Variants in CSMD1 observed in about 807,000 individuals in gnomAD.
CSMD1 encodes CUB and sushi domain-containing protein 1.
CSMD1 carries 213 observed loss-of-function variants against 417.5 expected under a neutral mutation model. The observed-to-expected ratio is 0.51, with a 90% CI of 0.46 to 0.57. The LOEUF (loss-of-function observed/expected upper bound fraction) is 0.57, where lower values mean the gene tolerates loss of function less well. CSMD1 is among the 20% of genes least tolerant of loss of function. The pLI is 0.00. For synonymous variants in CSMD1, 2,862 were observed against 1,736.8 expected (o/e 1.65, Z -16.11); for missense variants, 6,923 against 4,529.7 (o/e 1.53, Z -15.17).
intron 5 of CSMD1, among the ~76,000 whole-genome samples, chr8:3,991,944 C>T (rs1304344010): frequency 6.6e-6 from 1 of 152,006 alleles, no homozygotes; most frequent in Middle Eastern, 3.4e-3. Flanking sequence ...TGTTATATAA[C>T]AAACACTCGG....
intron 1 of CSMD1, among the ~76,000 whole-genome samples, chr8:4,893,904 G>A (rs548476070): frequency 1.2e-4 from 18 of 152,158 alleles, no homozygotes; most frequent in African/African-American, 2.9e-4. Flanking sequence ...CCAAGGGGGC[G>A]GGGCAATGTC....
At chr8:4,899,872 C>A (rs771284362) in intron 1 of CSMD1, among the ~76,000 whole-genome samples, 3 of 152,134 alleles carry the variant, frequency 2.0e-5, no homozygotes, top group Non-Finnish European at 4.4e-5. Flanking sequence ...GTCAGACATA[C>A]CTGGGGACAA....
intron 54 of CSMD1, among the ~76,000 whole-genome samples, chr8:2,993,825 A>T (rs536866625): frequency 6.6e-6 from 1 of 152,024 alleles, no homozygotes; most frequent in Non-Finnish European, 1.5e-5. Flanking sequence ...CCCTGCATTG[A>T]AGAAAGCAGA....
At chr8:4,065,453 G>C (rs75245554) in intron 3 of CSMD1, among the ~76,000 whole-genome samples, 1 of 152,128 alleles carries the variant, frequency 6.6e-6, no homozygotes, top group Non-Finnish European at 1.5e-5. Context: ...TAGGAAATTT[G>C]GCTTTTCTTT....
chr8:4,369,875 C>A (rs928239928), intron 3 of CSMD1, among the ~76,000 whole-genome samples: 1 of 152,110 alleles, frequency 6.6e-6, no homozygotes, highest in African/African-American at 2.4e-5. Flanking sequence ...TTGGGTCTTG[C>A]TTCTTTACCC....
chr8:3,642,396 C>A lies in CSMD1; in HGVS notation c.1010-25599G>T, dbSNP rs192070480. Among the ~76,000 whole-genome samples, 10 of 152,210 alleles carry A rather than the reference C, an allele frequency of 6.6e-5. No individual in the cohort carries two copies. The East Asian group carries it at 1.4e-3, about 21-fold the overall frequency. ...ATTTATAACCTTAAGTCCACTTTCC[C>A]ATGAGTTTATAACCTAAATTTATGA... On this transcript the variant is annotated intron_variant, in intron 7 of 69. Coordinates refer to ENST00000635120, the MANE Select transcript of CSMD1 (RefSeq NM_033225.6).
At chr8:3,607,016 G>C (rs186924436) in intron 8 of CSMD1, among the ~76,000 whole-genome samples, 1 of 151,960 alleles carries the variant, frequency 6.6e-6, no homozygotes, top group South Asian at 2.1e-4. Flanking sequence ...GGCCTACCGT[G>C]TTACAGTTTT....
chr8:4,284,851 C>T (rs1191309705), intron 3 of CSMD1, among the ~76,000 whole-genome samples: 4 of 151,486 alleles, frequency 2.6e-5, no homozygotes, highest in Admixed American at 1.3e-4. Flanking sequence ...AACAAAGAAA[C>T]AAAAACAAAA....
chr8:4,226,410 AAACAT>A (rs1438957961), intron 3 of CSMD1, among the ~76,000 whole-genome samples: 1 of 152,210 alleles, frequency 6.6e-6, no homozygotes, highest in Non-Finnish European at 1.5e-5. Flanking sequence ...TGCAGAAATA[AAACAT>A]AACATGCAGA....
intron 49 of CSMD1, among the ~76,000 whole-genome samples, chr8:3,083,640 ATATATATATTTTTTTTTTTTTTT>A (rs1814294650): frequency 4.5e-5 from 1 of 22,232 alleles, no homozygotes; most frequent in East Asian, 2.1e-3. Flanking sequence ...ATATATATAT[ATATATATATTTTTTTTTTTTTTT>A]TTTTTTTTTT....
intron 25 of CSMD1, among the ~76,000 whole-genome samples, chr8:3,285,650 C>T (rs1417001031): frequency 2.0e-5 from 3 of 151,938 alleles, no homozygotes; most frequent in Admixed American, 6.6e-5. Context: ...CCACCTGCCT[C>T]GGCCTCCCAA....
chr8:3,223,996 G>A (rs779256599), intron 27 of CSMD1, 129 bp from the exon 28 acceptor site: 70 of 774,946 alleles, frequency 9.0e-5, no homozygotes, highest in Admixed American at 2.0e-4. Flanking sequence ...CCAAGAGATT[G>A]TGTGTTGGTT....
At chr8:4,068,251 A>G (rs537683513) in intron 3 of CSMD1, among the ~76,000 whole-genome samples, 1 of 152,168 alleles carries the variant, frequency 6.6e-6, no homozygotes. Flanking sequence ...AACCCCTCAA[A>G]GGTTGCCCTC....
At chr8:4,446,755 CTGTGTGTGTGTGTG>C (rs58002310) in intron 2 of CSMD1, among the ~76,000 whole-genome samples, 8,021 of 132,888 alleles carry the variant, frequency 0.06, 567 homozygotes, top group African/African-American at 0.18. Context: ...GTGTGTGTGT[CTGTGTGTGTGTGTG>C]TGTGTGTGTG....
chr8:3,661,836 C>T (rs1798434161), intron 7 of CSMD1, among the ~76,000 whole-genome samples: 1 of 152,048 alleles, frequency 6.6e-6, no homozygotes, highest in Non-Finnish European at 1.5e-5. Flanking sequence ...TTTTATCACA[C>T]CAAACAAGCC....
chr8:3,843,875 G>A (rs913633572), intron 5 of CSMD1, among the ~76,000 whole-genome samples: 1 of 152,212 alleles, frequency 6.6e-6, no homozygotes, highest in Non-Finnish European at 1.5e-5. Flanking sequence ...CAGATATTGT[G>A]AGTACAATTT....
At chr8:4,486,114 T>G in intron 2 of CSMD1, among the ~76,000 whole-genome samples, 1 of 114,536 alleles carries the variant, frequency 8.7e-6, no homozygotes, top group African/African-American at 3.8e-5. Flanking sequence ...TGTATGTATA[T>G]ATACATACAT....
intron 5 of CSMD1, among the ~76,000 whole-genome samples, chr8:3,843,683 C>T (rs1018636505): frequency 2.0e-5 from 3 of 152,120 alleles, no homozygotes; most frequent in African/African-American, 7.2e-5. Flanking sequence ...GTGACGGGAG[C>T]CCACAGTGGG....
intron 3 of CSMD1, among the ~76,000 whole-genome samples, chr8:4,373,402 A>G (rs1337727372): frequency 6.6e-6 from 1 of 152,220 alleles, no homozygotes; most frequent in Non-Finnish European, 1.5e-5. Flanking sequence ...AGAATATAAA[A>G]TGTTAACAAC....
Sources: allele counts gnomAD v4.1 joint callset (sites outside exome capture counted in the v4.1 genomes callset), GRCh38; gene constraint gnomAD v4.1.1; transcripts MANE v1.5; gene names NCBI Gene and HGNC (gene_info 2026-07-23, HGNC 2026-07-21).